Variants in MCCC2 observed in about 807,000 individuals in gnomAD.
The protein encoded by MCCC2 is methylcrotonyl-CoA carboxylase subunit 2.
In MCCC2, 52 loss-of-function variants were observed where a neutral mutation model predicts 77.2. The ratio of observed to expected loss-of-function variants is 0.67; its 90% confidence interval spans 0.54 to 0.85. The LOEUF is 0.85. Among genes scored for constraint, MCCC2 ranks in the 40% least tolerant of loss-of-function variants. The pLI, the probability that MCCC2 is intolerant of heterozygous loss-of-function variation, is 0.00. For synonymous variants in MCCC2, 253 were observed against 248.4 expected, an observed-to-expected ratio of 1.02 and a Z score of -0.18; for missense variants, 682 against 703.2, an observed-to-expected ratio of 0.97 and a Z score of 0.34.
intron 3 of MCCC2, among the ~76,000 whole-genome samples, chr5:71,597,296 T>C (rs1474842760): frequency 6.6e-6 from 1 of 151,950 alleles, no homozygotes; most frequent in Non-Finnish European, 1.5e-5. Context: ...AGGAGATGGG[T>C]CAGATCCTGT....
chr5:71,598,987 G>A (rs1215558223), intron 3 of MCCC2, among the ~76,000 whole-genome samples: 2 of 151,406 alleles, frequency 1.3e-5, no homozygotes, highest in Non-Finnish European at 2.9e-5. Context: ...TCAAACTCCT[G>A]GGCTCAAGCA....
chr5:71,643,940 A>G, intron 12 of MCCC2, 45 bp downstream of exon 12: 2 of 1,611,414 alleles, frequency 1.2e-6, no homozygotes, highest in Non-Finnish European at 1.7e-6. Flanking sequence ...TTTTAATTTA[A>G]CATAACGTTG....
At chr5:71,612,882 A>C (rs1023203260) in intron 6 of MCCC2, among the ~76,000 whole-genome samples, 1 of 152,202 alleles carries the variant, frequency 6.6e-6, no homozygotes, top group Non-Finnish European at 1.5e-5. Flanking sequence ...ATGCTTGGCT[A>C]ACAGAAATTT....
intron 1 of MCCC2, among the ~76,000 whole-genome samples, 170 bp downstream of exon 1, chr5:71,587,724 C>CT (rs1306085823): frequency 6.6e-6 from 1 of 152,244 alleles, no homozygotes; most frequent in East Asian, 1.9e-4. Flanking sequence ...GTTTAGTTCA[C>CT]TTTTAGAGCT....
At chr5:71,636,365 A>G (rs1746928312) in intron 10 of MCCC2, 1 of 164,996 alleles carries the variant, frequency 6.1e-6, no homozygotes, top group Non-Finnish European at 1.3e-5. Context: ...TTAACTTTTA[A>G]TTAATTATAA....
In MCCC2 at chr5:71,646,602, G is replaced by A. The variant is rs534769324; in HGVS notation, c.1216+325G>A. ...ACTGGCCTCAAACTCCTGAGCTCAA[G>A]CAATCTGCCCGCCTTGTTCTCCCAA... On this transcript the variant is annotated intron_variant, in intron 13 of 16. Coordinates refer to ENST00000340941, the MANE Select transcript of MCCC2 (RefSeq NM_022132.5). 2.6e-5 allele frequency among the ~76,000 whole-genome samples: 4 copies of A among 152,278 alleles called. 1 individual carries two copies. In the South Asian group the frequency reaches 8.3e-4, roughly 32 times the overall value.
At chr5:71,635,470 A>G in intron 10 of MCCC2, 1 of 599,170 alleles carries the variant, frequency 1.7e-6, no homozygotes, top group Non-Finnish European at 3.1e-6. Context: ...ATGATTGGAA[A>G]GTTTTCATTG....
chr5:71,626,551 C>T, intron 6 of MCCC2, 89 bp from the exon 7 acceptor site: 1 of 976,160 alleles, frequency 1.0e-6, no homozygotes, highest in Non-Finnish European at 1.6e-6. Context: ...CCCCTGGTCA[C>T]TGCAGTGTTT....
intron 7 of MCCC2, among the ~76,000 whole-genome samples, chr5:71,631,451 G>A (rs1250428746): frequency 6.6e-6 from 1 of 152,100 alleles, no homozygotes; most frequent in Non-Finnish European, 1.5e-5. Context: ...GGCAGTGGGA[G>A]GAACACACAC....
intron 11 of MCCC2, among the ~76,000 whole-genome samples, chr5:71,641,708 A>G (rs1747127384): frequency 6.6e-6 from 1 of 152,250 alleles, no homozygotes; most frequent in South Asian, 2.1e-4. Flanking sequence ...TTTGGGACAA[A>G]TGGAAGAACA....
At chr5:71,614,894 A>G (rs1222394677) in intron 6 of MCCC2, among the ~76,000 whole-genome samples, 1 of 152,160 alleles carries the variant, frequency 6.6e-6, no homozygotes, top group East Asian at 1.9e-4. Context: ...AAGAACACTA[A>G]AATGATGCCA....
At chr5:71,654,538 A>G (rs1747530249) in intron 16 of MCCC2, among the ~76,000 whole-genome samples, 2 of 152,064 alleles carry the variant, frequency 1.3e-5, no homozygotes, top group Non-Finnish European at 2.9e-5. Flanking sequence ...TAAAATATAT[A>G]TTGTTAAGCT....
At chr5:71,626,836 A>G in intron 7 of MCCC2, 83 bp downstream of exon 7, 1 of 1,283,268 alleles carries the variant, frequency 7.8e-7, no homozygotes, top group East Asian at 2.5e-5. Flanking sequence ...TTGATGTTTT[A>G]AAAAATATTG....
intron 11 of MCCC2, 192 bp from the exon 12 acceptor site, chr5:71,643,627 C>G (rs1747191395): frequency 1.9e-6 from 2 of 1,027,668 alleles, no homozygotes; most frequent in Non-Finnish European, 2.8e-6. Context: ...TTTCTAGAAG[C>G]AAAAGAAACC....
intron 6 of MCCC2, among the ~76,000 whole-genome samples, chr5:71,621,468 C>T (rs1746346866): frequency 6.6e-6 from 1 of 152,118 alleles, no homozygotes; most frequent in Non-Finnish European, 1.5e-5. Flanking sequence ...TGGTGGTGCA[C>T]CTGTAGTCGC....
At chr5:71,616,310 A>G (rs1580301045) in intron 6 of MCCC2, among the ~76,000 whole-genome samples, 1 of 152,246 alleles carries the variant, frequency 6.6e-6, no homozygotes, top group Admixed American at 6.5e-5. Context: ...GCCCTGATTT[A>G]CAGTCAATCA....
intron 11 of MCCC2, among the ~76,000 whole-genome samples, chr5:71,642,058 G>C (rs1253598704): frequency 6.6e-6 from 1 of 152,206 alleles, no homozygotes; most frequent in South Asian, 2.1e-4. Flanking sequence ...TGTAAAGATG[G>C]ATGGGCTGTC....
chr5:71,638,040 C>G (rs960024400), intron 10 of MCCC2, among the ~76,000 whole-genome samples: 10 of 152,152 alleles, frequency 6.6e-5, no homozygotes, highest in African/African-American at 2.4e-4. Context: ...ATGAGTCAGT[C>G]CTCTCAAACC....
intron 16 of MCCC2, among the ~76,000 whole-genome samples, chr5:71,655,176 C>T (rs1331673563): frequency 2.0e-5 from 3 of 152,104 alleles, no homozygotes. Context: ...CAGCTGGTGG[C>T]ATGGAGACAG....
Sources: allele counts gnomAD v4.1 joint callset (sites outside exome capture counted in the v4.1 genomes callset), GRCh38; gene constraint gnomAD v4.1.1; transcripts MANE v1.5; gene names NCBI Gene and HGNC (gene_info 2026-07-23, HGNC 2026-07-21).